NGLY1: variants seen among roughly 807,000 people sequenced by gnomAD.
The protein encoded by NGLY1 is peptide-N(4)-(N-acetyl-beta-glucosaminyl)asparagine amidase.
A neutral mutation model predicts 84.6 loss-of-function variants in NGLY1; 68 were observed. That is an observed-to-expected ratio of 0.80 (90% confidence interval 0.66 to 0.98). NGLY1 has a LOEUF of 0.98. Ranked by LOEUF, NGLY1 falls within the 50% of genes least tolerant of loss-of-function variation. NGLY1 has a pLI of 0.00. For synonymous variants in NGLY1, 280 were observed against 275.2 expected, an observed-to-expected ratio of 1.02 and a Z score of -0.17; for missense variants, 779 against 770.2, an observed-to-expected ratio of 1.01 and a Z score of -0.14.
At chr3:25,734,716 TTAAAA>T (rs1409684722) in intron 7 of NGLY1, 14 of 845,612 alleles carry the variant, frequency 1.7e-5, no homozygotes, top group Non-Finnish European at 2.0e-5. Flanking sequence ...TCTCGAAAAA[TTAAAA>T]TAAAATAAAA....
At chr3:25,772,022 CT>C (rs1707920027) in intron 2 of NGLY1, among the ~76,000 whole-genome samples, 2 of 152,110 alleles carry the variant, frequency 1.3e-5, no homozygotes, top group Admixed American at 1.3e-4. Flanking sequence ...TTCTTGATTT[CT>C]TTCTCTTGTC....
intron 4 of NGLY1, among the ~76,000 whole-genome samples, chr3:25,745,207 T>C (rs923454859): frequency 7.9e-5 from 12 of 152,354 alleles, no homozygotes; most frequent in African/African-American, 2.9e-4. Context: ...CTTGTGGTTA[T>C]TGAGTAGCTG....
chr3:25,780,511 A>C (rs539320016), intron 1 of NGLY1, among the ~76,000 whole-genome samples: 1 of 152,306 alleles, frequency 6.6e-6, no homozygotes, highest in African/African-American at 2.4e-5. Context: ...TTTTCCTCAC[A>C]GCTTTCAGAT....
In NGLY1 at chr3:25,751,091, C is replaced by G. The variant is rs752709827; in HGVS notation, c.658+7G>C. 1.9e-6 allele frequency: 3 copies of G among 1,606,922 alleles called. No homozygotes were observed. Among genetic ancestry groups the G allele is most frequent in the Non-Finnish European group, 2.6e-6 (3 of 1,176,418 alleles). On this transcript the variant is annotated splice_region_variant and intron_variant, in intron 4 of 11. Coordinates refer to ENST00000280700, the MANE Select transcript of NGLY1 (RefSeq NM_018297.4). ...TTTAGCAATAAATGATTATGTAAAG[C>G]TACTACCTTTATCCAATTTTCTAGC...
At chr3:25,773,854 C>CT (rs1344148587) in intron 2 of NGLY1, among the ~76,000 whole-genome samples, 1 of 152,186 alleles carries the variant, frequency 6.6e-6, no homozygotes, top group Non-Finnish European at 1.5e-5. Flanking sequence ...ATGGGGCTTC[C>CT]TGAGAGCTGG....
intron 10 of NGLY1, among the ~76,000 whole-genome samples, chr3:25,727,083 C>T (rs1705303037): frequency 6.6e-6 from 1 of 151,988 alleles, no homozygotes; most frequent in Admixed American, 6.6e-5. Flanking sequence ...CTAGAAAATC[C>T]CTAACTGGGG....
At chr3:25,785,788 G>T (rs1708590504), upstream of NGLY1, among the ~76,000 whole-genome samples, 1 of 152,348 alleles carries the variant, frequency 6.6e-6, no homozygotes, top group African/African-American at 2.4e-5. Context: ...GTCAGCTAAG[G>T]CTTTCCCCTG....
intron 3 of NGLY1, chr3:25,754,788 CTTTTT>C (rs5847371): frequency 1.4e-4 from 39 of 275,128 alleles, no homozygotes; most frequent in Non-Finnish European, 2.0e-4. Context: ...ATGACTCGTG[CTTTTT>C]TTTTTTTTTT....
chr3:25,774,731 T>C (rs1360730294), intron 2 of NGLY1, among the ~76,000 whole-genome samples: 3 of 152,108 alleles, frequency 2.0e-5, no homozygotes, highest in Admixed American at 2.0e-4. Context: ...GAGAAAGCAA[T>C]CAGGGTTTTC....
At chr3:25,757,223 G>C (rs992426885) in intron 3 of NGLY1, among the ~76,000 whole-genome samples, 2 of 152,142 alleles carry the variant, frequency 1.3e-5, no homozygotes, top group Non-Finnish European at 2.9e-5. Context: ...AAATAGACCT[G>C]ATCAACTTCA....
intron 2 of NGLY1, among the ~76,000 whole-genome samples, chr3:25,769,757 A>G (rs1340991550): frequency 1.3e-5 from 2 of 152,190 alleles, no homozygotes; most frequent in African/African-American, 4.8e-5. Flanking sequence ...AAAAATTCTT[A>G]TGCTTAATTT....
chr3:25,739,510 T>C (rs1706016582), intron 5 of NGLY1, 67 bp downstream of exon 5: 6 of 1,422,164 alleles, frequency 4.2e-6, no homozygotes, highest in Non-Finnish European at 4.8e-6. Flanking sequence ...AAAGTTCATT[T>C]AGTAAAAACT....
intron 5 of NGLY1, among the ~76,000 whole-genome samples, chr3:25,738,999 A>G (rs1252518083): frequency 6.6e-6 from 1 of 152,190 alleles, no homozygotes; most frequent in Non-Finnish European, 1.5e-5. Context: ...TAGGTTGGGC[A>G]GGGGAAGCAC....
intron 3 of NGLY1, among the ~76,000 whole-genome samples, chr3:25,761,270 C>T (rs7639322): frequency 0.016 from 2,459 of 152,240 alleles, 67 homozygotes; most frequent in African/African-American, 0.056. Context: ...TTCAGAATCA[C>T]ATTTTCAACC....
rs1469385188 is a variant in NGLY1, at chr3:25,719,063, ACT to A, written c.*395_*396del. 2 of 153,744 alleles carry A rather than the reference ACT, an allele frequency of 1.3e-5. No individual in the cohort carries two copies. Among genetic ancestry groups the A allele is most frequent in the African/African-American group, 4.8e-5 (2 of 41,490 alleles). 9.5% of individuals were successfully genotyped at this position (153,744 alleles called of 1,614,324 possible). Reference sequence around the variant, plus strand: ...TCACATTAATTAAAAATATTAGGAGACTCTAATTTAACCACTTCTGAAGAAAT... The same window carrying A: ...TCACATTAATTAAAAATATTAGGAGACTAATTTAACCACTTCTGAAGAAAT... On this transcript the variant is annotated 3_prime_UTR_variant, in exon 12 of 12. Coordinates refer to ENST00000280700, the MANE Select transcript of NGLY1 (RefSeq NM_018297.4).
At chr3:25,743,976 AG>A (rs1706290088) in intron 4 of NGLY1, among the ~76,000 whole-genome samples, 1 of 152,228 alleles carries the variant, frequency 6.6e-6, no homozygotes, top group Admixed American at 6.5e-5. Flanking sequence ...AGCCTGATTT[AG>A]ATGCTAAATT....
chr3:25,755,372 G>T (rs1706986716), intron 3 of NGLY1: 1 of 1,328,524 alleles, frequency 7.5e-7, no homozygotes, highest in Non-Finnish European at 1.1e-6. Flanking sequence ...TGTTGGTGCT[G>T]TTAGTAGCAA....
chr3:25,723,128 C>A (rs1424844015), intron 10 of NGLY1, among the ~76,000 whole-genome samples: 1 of 152,114 alleles, frequency 6.6e-6, no homozygotes, highest in Middle Eastern at 3.2e-3. Flanking sequence ...AACTTCAAAT[C>A]TAGCTTACTC....
At position 25,725,667 on chromosome 3, in the gene NGLY1, T is replaced by C. The variant is rs531350122; in HGVS notation, c.1611+3466A>G. On this transcript the variant is annotated intron_variant, in intron 10 of 11. Coordinates refer to ENST00000280700, the MANE Select transcript of NGLY1 (RefSeq NM_018297.4). Reference sequence around the variant, plus strand: ...TCACTCAGCTGGTTCTGCTGCAGAATTGCTTGCTTGCTTATTTGGGGGAAC... The same window carrying C: ...TCACTCAGCTGGTTCTGCTGCAGAACTGCTTGCTTGCTTATTTGGGGGAAC... Among the ~76,000 whole-genome samples the C allele has an allele frequency of 8.5e-5, 13 of 152,278 alleles. No homozygotes were observed. The South Asian group carries it at 2.7e-3, about 32-fold the overall frequency.
Sources: allele counts gnomAD v4.1 joint callset (sites outside exome capture counted in the v4.1 genomes callset), GRCh38; gene constraint gnomAD v4.1.1; transcripts MANE v1.5; gene names NCBI Gene and HGNC (gene_info 2026-07-23, HGNC 2026-07-21).